DIAPH3: variants seen among roughly 807,000 people sequenced by gnomAD.
DIAPH3 encodes diaphanous related formin 3, also known as protein diaphanous homolog 3.
In DIAPH3, 117 loss-of-function variants were observed where a neutral mutation model predicts 144.3. The observed-to-expected ratio is 0.81, with a 90% CI of 0.70 to 0.95. The LOEUF (loss-of-function observed/expected upper bound fraction) is 0.95, where lower values mean the gene tolerates loss of function less well. Ranked by LOEUF, DIAPH3 falls within the 40% of genes least tolerant of loss-of-function variation. DIAPH3 has a pLI of 0.00. For synonymous variants in DIAPH3, 519 were observed against 488.9 expected (o/e 1.06, Z -0.81); for missense variants, 1,421 against 1,412.7 (o/e 1.01, Z -0.09).
intron 4 of DIAPH3, among the ~76,000 whole-genome samples, chr13:60,086,936 C>T (rs549153860): frequency 2.3e-3 from 347 of 152,208 alleles, no homozygotes; most frequent in Non-Finnish European, 2.5e-3. Flanking sequence ...AGATTGGTTC[C>T]AGGACTTCCC....
intron 27 of DIAPH3, among the ~76,000 whole-genome samples, chr13:59,748,990 G>A (rs1185861746): frequency 3.3e-5 from 5 of 151,996 alleles, no homozygotes; most frequent in African/African-American, 1.2e-4. Context: ...GAGGTGTGTG[G>A]ATTACTTGAG....
At chr13:60,085,791 G>A (rs1435940383) in intron 4 of DIAPH3, among the ~76,000 whole-genome samples, 3 of 151,904 alleles carry the variant, frequency 2.0e-5, no homozygotes, top group Non-Finnish European at 4.4e-5. Context: ...GCCTCTTGTG[G>A]CACTTTCAAA....
At chr13:59,944,811 C>T (rs1371633198) in intron 17 of DIAPH3, among the ~76,000 whole-genome samples, 1 of 151,050 alleles carries the variant, frequency 6.6e-6, no homozygotes, top group Non-Finnish European at 1.5e-5. Context: ...GGGCTATTAT[C>T]CTTTATACCT....
At chr13:59,733,595 A>G (rs1279006048) in intron 27 of DIAPH3, among the ~76,000 whole-genome samples, 1 of 152,234 alleles carries the variant, frequency 6.6e-6, no homozygotes, top group Non-Finnish European at 1.5e-5. Flanking sequence ...GTTTAGTTGT[A>G]TTAAAGTCTT....
chr13:59,921,877 C>T (rs1015466688), intron 18 of DIAPH3, among the ~76,000 whole-genome samples: 1 of 151,948 alleles, frequency 6.6e-6, no homozygotes, highest in Non-Finnish European at 1.5e-5. Flanking sequence ...GGGATTCATT[C>T]CAGAGATGCA....
chr13:59,753,349 T>C (rs2037107033), intron 27 of DIAPH3, among the ~76,000 whole-genome samples: 2 of 152,192 alleles, frequency 1.3e-5, no homozygotes, highest in Non-Finnish European at 2.9e-5. Context: ...ATCACTAAAC[T>C]TCAGACAAAA....
chr13:60,025,599 G>A (rs2054325526), intron 5 of DIAPH3, among the ~76,000 whole-genome samples: 1 of 151,646 alleles, frequency 6.6e-6, no homozygotes. Flanking sequence ...TTCAAAAAGA[G>A]AAGAGTCAAG....
At chr13:60,100,593 T>C (rs1166135733) in intron 3 of DIAPH3, among the ~76,000 whole-genome samples, 3 of 152,174 alleles carry the variant, frequency 2.0e-5, no homozygotes, top group Non-Finnish European at 4.4e-5. Flanking sequence ...TTATATAAGA[T>C]GTAAACATTA....
intron 27 of DIAPH3, among the ~76,000 whole-genome samples, chr13:59,722,935 C>T (rs1235139013): frequency 6.6e-6 from 1 of 152,190 alleles, no homozygotes; most frequent in Non-Finnish European, 1.5e-5. Context: ...TACTTCACTG[C>T]TTAAACTGGA....
At chr13:60,117,044 C>A (rs918007169) in intron 2 of DIAPH3, among the ~76,000 whole-genome samples, 1 of 151,568 alleles carries the variant, frequency 6.6e-6, no homozygotes, top group African/African-American at 2.4e-5. Context: ...AAAAATAGGA[C>A]AAAGGAAAAA....
intron 20 of DIAPH3, among the ~76,000 whole-genome samples, chr13:59,896,339 T>C (rs1268632525): frequency 3.3e-5 from 5 of 152,174 alleles, no homozygotes; most frequent in African/African-American, 1.2e-4. Flanking sequence ...TGATGCGATA[T>C]TATGCCATTA....
chr13:60,018,752 T>G (rs1483754779), intron 5 of DIAPH3, among the ~76,000 whole-genome samples: 5 of 152,098 alleles, frequency 3.3e-5, no homozygotes, highest in Non-Finnish European at 7.4e-5. Flanking sequence ...GGCAATGGCC[T>G]TCTGAAAACC....
chr13:59,742,123 T>C (rs1344051337), intron 27 of DIAPH3, among the ~76,000 whole-genome samples: 1 of 152,118 alleles, frequency 6.6e-6, no homozygotes, highest in Non-Finnish European at 1.5e-5. Flanking sequence ...TCAGATCTCA[T>C]GAGACTTATT....
intron 4 of DIAPH3, among the ~76,000 whole-genome samples, chr13:60,070,652 C>T (rs2057172197): frequency 1.3e-5 from 2 of 152,112 alleles, no homozygotes; most frequent in South Asian, 4.1e-4. Flanking sequence ...AATAAAATTT[C>T]CCTTTTTGCT....
chr13:60,145,220 T>C (rs897350175), intron 1 of DIAPH3, among the ~76,000 whole-genome samples: 1 of 152,218 alleles, frequency 6.6e-6, no homozygotes, highest in African/African-American at 2.4e-5. Context: ...CCCAGAACTA[T>C]GATGGGACAG....
chr13:59,784,025 T>C (rs1238241615), intron 25 of DIAPH3, among the ~76,000 whole-genome samples: 1 of 152,176 alleles, frequency 6.6e-6, no homozygotes, highest in East Asian at 1.9e-4. Flanking sequence ...GCTCCTTCTT[T>C]TACTTTCCAC....
At chr13:60,122,916 C>T (rs903759943) in intron 2 of DIAPH3, among the ~76,000 whole-genome samples, 1 of 151,948 alleles carries the variant, frequency 6.6e-6, no homozygotes, top group Non-Finnish European at 1.5e-5. Flanking sequence ...ATTCTAATTG[C>T]ATATATTTAA....
intron 1 of DIAPH3, among the ~76,000 whole-genome samples, chr13:60,135,870 GTTTAC>G (rs1204298381): frequency 1.3e-5 from 2 of 152,160 alleles, no homozygotes; most frequent in African/African-American, 4.8e-5. Context: ...TCTCATCATA[GTTTAC>G]TTTAAACGTG....
chr13:59,872,646 T>G (rs1049057425), intron 21 of DIAPH3, among the ~76,000 whole-genome samples: 1 of 152,242 alleles, frequency 6.6e-6, no homozygotes, highest in Non-Finnish European at 1.5e-5. Context: ...GGTAAGACAC[T>G]TCTTAGAGTA....
Sources: allele counts gnomAD v4.1 joint callset (sites outside exome capture counted in the v4.1 genomes callset), GRCh38; gene constraint gnomAD v4.1.1; transcripts MANE v1.5; gene names NCBI Gene and HGNC (gene_info 2026-07-23, HGNC 2026-07-21).